SPOCK1: variants seen among roughly 807,000 people sequenced by gnomAD.
SPOCK1 encodes the protein testican-1.
In SPOCK1, 23 loss-of-function variants were observed where a neutral mutation model predicts 55.3. The ratio of observed to expected loss-of-function variants is 0.42; its 90% CI spans 0.30 to 0.59. The LOEUF is 0.59. SPOCK1 is among the 20% of genes least tolerant of loss of function. The probability of loss-of-function intolerance (pLI) is 0.22; values close to 1 mark genes in which losing one functional copy is unlikely to be tolerated. For missense variants in SPOCK1, 499 were observed against 552.5 expected, an observed-to-expected ratio of 0.90 and a Z score of 0.97; for synonymous variants, 226 against 221.0, an observed-to-expected ratio of 1.02 and a Z score of -0.20.
intron 3 of SPOCK1, among the ~76,000 whole-genome samples, chr5:137,201,140 C>T (rs1755418710): frequency 1.3e-5 from 2 of 152,172 alleles, no homozygotes; most frequent in Admixed American, 6.5e-5. Context: ...CAATGTCTCA[C>T]ATTGAGTGAA....
chr5:137,169,231 CAA>C (rs1179858337), intron 3 of SPOCK1, among the ~76,000 whole-genome samples: 3 of 151,226 alleles, frequency 2.0e-5, no homozygotes, highest in South Asian at 2.1e-4. Flanking sequence ...TAAATAGGCA[CAA>C]AAAAATGTTA....
chr5:137,129,976 C>T (rs370162260), intron 4 of SPOCK1, among the ~76,000 whole-genome samples: 163 of 152,212 alleles, frequency 1.1e-3, no homozygotes, highest in Middle Eastern at 6.8e-3. Context: ...GAGGGAACTT[C>T]CCCTCCTTTC....
intron 3 of SPOCK1, among the ~76,000 whole-genome samples, chr5:137,161,165 C>T (rs184498350): frequency 3.1e-4 from 45 of 147,392 alleles, no homozygotes; most frequent in South Asian, 2.6e-3. Context: ...ATAATATATA[C>T]GCTATTCCTA....
intron 2 of SPOCK1, among the ~76,000 whole-genome samples, chr5:137,299,574 C>T (rs1757547483): frequency 6.6e-6 from 1 of 152,032 alleles, no homozygotes; most frequent in Admixed American, 6.5e-5. Context: ...GCATATCATA[C>T]AGTATAGTTT....
intron 2 of SPOCK1, among the ~76,000 whole-genome samples, chr5:137,483,530 A>G (rs1231344445): frequency 6.6e-6 from 1 of 152,152 alleles, no homozygotes; most frequent in East Asian, 1.9e-4. Context: ...TGTATTTCTC[A>G]AATGAACAAC....
intron 2 of SPOCK1, among the ~76,000 whole-genome samples, chr5:137,324,199 A>G (rs1758032411): frequency 6.6e-6 from 1 of 152,116 alleles, no homozygotes; most frequent in Non-Finnish European, 1.5e-5. Flanking sequence ...AATTCCAGCA[A>G]TTTGGGAGGC....
At chr5:137,061,322 T>C (rs1434071401) in intron 6 of SPOCK1, among the ~76,000 whole-genome samples, 1 of 152,220 alleles carries the variant, frequency 6.6e-6, no homozygotes, top group Non-Finnish European at 1.5e-5. Context: ...TGTTCCCTTT[T>C]ATCCACGTTT....
intron 4 of SPOCK1, among the ~76,000 whole-genome samples, chr5:137,137,878 A>G (rs1754017424): frequency 6.6e-6 from 1 of 152,256 alleles, no homozygotes; most frequent in African/African-American, 2.4e-5. Flanking sequence ...AACTATTATC[A>G]TAATTGTCTC....
chr5:137,497,229 G>C (rs967516972), intron 2 of SPOCK1, among the ~76,000 whole-genome samples: 1 of 151,966 alleles, frequency 6.6e-6, no homozygotes, highest in African/African-American at 2.4e-5. Flanking sequence ...CCATGCCCGG[G>C]GACATTAACA....
chr5:137,359,792 AT>A (rs1187679229), intron 2 of SPOCK1, among the ~76,000 whole-genome samples: 2 of 152,086 alleles, frequency 1.3e-5, no homozygotes, highest in East Asian at 1.9e-4. Flanking sequence ...CCTGAACTGG[AT>A]TTTTTTTCCT....
At chr5:136,980,298 A>G (rs945058350) in intron 9 of SPOCK1, among the ~76,000 whole-genome samples, 2 of 152,050 alleles carry the variant, frequency 1.3e-5, no homozygotes, top group African/African-American at 4.8e-5. Flanking sequence ...TACTGATATT[A>G]CATTTTTAAT....
rs567927859 is a variant in SPOCK1, at chr5:136,989,307, CACA to C, written c.707-667_707-665del. Among the ~76,000 whole-genome samples the C allele has an allele frequency of 4.7e-4, 72 of 152,226 alleles. No homozygotes were observed. In the South Asian group the frequency reaches 8.3e-3, roughly 18 times the overall value. ...GTTTTCTTAAAGAATTATTTGTTTC[CACA>C]ATGGAAAGTGTATGCACTAAAATAA... On this transcript the variant is annotated intron_variant, in intron 7 of 10. Transcript: ENST00000394945.
rs143135198 is a variant in SPOCK1, at chr5:137,054,984, A to T, written c.589+12731T>A. ...TTTTTAAATAGGTTTCCTTGTTTCA[A>T]CCACATGAAATGAAACCTAGTTCTT... is the stretch of plus-strand genomic sequence containing the variant. On this transcript the variant is annotated intron_variant, in intron 6 of 10. Coordinates refer to ENST00000394945, the MANE Select transcript of SPOCK1 (RefSeq NM_004598.4). Among the ~76,000 whole-genome samples, 323 of 152,292 alleles carry T rather than the reference A, an allele frequency of 2.1e-3. 1 individual carries two copies. Among genetic ancestry groups the T allele is most frequent in the African/African-American group, 7.6e-3 (314 of 41,562 alleles).
intron 2 of SPOCK1, among the ~76,000 whole-genome samples, chr5:137,488,294 T>C (rs1436931722): frequency 6.6e-6 from 1 of 152,094 alleles, no homozygotes; most frequent in Non-Finnish European, 1.5e-5. Context: ...GGAGAATCAC[T>C]TGAACCCAAG....
intron 3 of SPOCK1, among the ~76,000 whole-genome samples, chr5:137,171,076 G>T (rs1014480177): frequency 7.9e-5 from 12 of 152,114 alleles, no homozygotes; most frequent in Non-Finnish European, 1.5e-4. Flanking sequence ...CCTATGGAGT[G>T]AACGGGAAGA....
chr5:137,334,568 G>T (rs1750198927), intron 2 of SPOCK1, among the ~76,000 whole-genome samples: 1 of 152,184 alleles, frequency 6.6e-6, no homozygotes, highest in African/African-American at 2.4e-5. Context: ...AGCAGACAAT[G>T]TTTTTCTGGC....
chr5:137,358,762 G>A (rs1328667905), intron 2 of SPOCK1, among the ~76,000 whole-genome samples: 1 of 152,182 alleles, frequency 6.6e-6, no homozygotes, highest in African/African-American at 2.4e-5. Flanking sequence ...TTATATCAGA[G>A]TTTGATATTC....
chr5:136,989,279 G>GTTGT (rs924726832), intron 7 of SPOCK1, among the ~76,000 whole-genome samples: 1 of 152,162 alleles, frequency 6.6e-6, no homozygotes, highest in African/African-American at 2.4e-5. Flanking sequence ...GGGAGAAGAA[G>GTTGT]TTGTTTTCTT....
chr5:137,386,223 C>T (rs192883506), intron 2 of SPOCK1, among the ~76,000 whole-genome samples: 1 of 152,192 alleles, frequency 6.6e-6, no homozygotes, highest in East Asian at 1.9e-4. Flanking sequence ...TGAAAGAAAT[C>T]AAAGAATTAA....
Sources: gnomAD v4.1 joint callset for allele counts (sites outside exome capture counted in the v4.1 genomes callset) on GRCh38, gnomAD v4.1.1 for gene constraint, MANE v1.5 for transcripts, NCBI Gene and HGNC (gene_info 2026-07-23, HGNC 2026-07-21) for gene names.